Variants in TRDN observed in about 807,000 individuals in gnomAD.
TRDN encodes the protein triadin in skeletal muscle.
TRDN carries 161 observed loss-of-function variants against 149.7 expected under a neutral mutation model. That is an observed-to-expected ratio of 1.08 (90% CI 0.95 to 1.23). The LOEUF is 1.23. TRDN is among the 50% of genes most tolerant of loss of function. The pLI is 0.00. For missense variants in TRDN, 896 were observed against 823.5 expected, an observed-to-expected ratio of 1.09 and a Z score of -1.08; for synonymous variants, 294 against 250.5, an observed-to-expected ratio of 1.17 and a Z score of -1.64.
chr6:123,563,658 G>T (rs75063604), intron 2 of TRDN, among the ~76,000 whole-genome samples: 5 of 152,300 alleles, frequency 3.3e-5, no homozygotes, highest in African/African-American at 9.6e-5. Context: ...CCAGTTGGAT[G>T]ATTTACTTGG....
chr6:123,554,048 G>A (rs770116727), intron 2 of TRDN, among the ~76,000 whole-genome samples: 9 of 152,174 alleles, frequency 5.9e-5, no homozygotes, highest in South Asian at 2.1e-4. Context: ...TAGTCACCAC[G>A]CCCTCATAGC....
At chr6:123,238,228 A>G (rs1381701644) in intron 38 of TRDN, among the ~76,000 whole-genome samples, 1 of 152,190 alleles carries the variant, frequency 6.6e-6, no homozygotes, top group African/African-American at 2.4e-5. Context: ...TGGCAAACAT[A>G]TAAGTACAGA....
intron 2 of TRDN, among the ~76,000 whole-genome samples, chr6:123,570,540 T>C (rs1782516846): frequency 6.6e-6 from 1 of 152,118 alleles, no homozygotes; most frequent in Non-Finnish European, 1.5e-5. Context: ...CCAAAAGTGT[T>C]TTGATTGGTT....
intron 38 of TRDN, among the ~76,000 whole-genome samples, chr6:123,230,074 G>T (rs1775540196): frequency 6.6e-6 from 1 of 151,768 alleles, no homozygotes; most frequent in African/African-American, 2.4e-5. Context: ...CTGCTATAAA[G>T]ACACATGCAC....
intron 9 of TRDN, among the ~76,000 whole-genome samples, chr6:123,485,797 C>T (rs915135294): frequency 6.6e-6 from 1 of 152,062 alleles, no homozygotes; most frequent in African/African-American, 2.4e-5. Flanking sequence ...GTAACTTGCC[C>T]ATGTTCATTT....
At chr6:123,524,986 C>T (rs1270578927) in intron 5 of TRDN, among the ~76,000 whole-genome samples, 1 of 151,972 alleles carries the variant, frequency 6.6e-6, no homozygotes. Flanking sequence ...CAGAGAAATG[C>T]AACTCACAAC....
intron 25 of TRDN, 123 bp downstream of exon 25, chr6:123,278,933 C>A: frequency 1.1e-6 from 1 of 886,952 alleles, no homozygotes; most frequent in South Asian, 2.3e-5. Context: ...CAAAACAAGC[C>A]TTTGACTTTA....
chr6:123,411,045 CTTTCT>C (rs1326606868), intron 12 of TRDN, among the ~76,000 whole-genome samples: 5 of 88,406 alleles, frequency 5.7e-5, no homozygotes, highest in African/African-American at 1.0e-4. Flanking sequence ...GAATAACTTT[CTTTCT>C]TTTTTTTTTT....
chr6:123,326,897 A>G (rs938271717), intron 23 of TRDN, among the ~76,000 whole-genome samples: 1 of 152,044 alleles, frequency 6.6e-6, no homozygotes, highest in Non-Finnish European at 1.5e-5. Flanking sequence ...TTCTTTGTTC[A>G]TTATATGCAT....
chr6:123,626,637 G>A (rs1290602860), intron 1 of TRDN, among the ~76,000 whole-genome samples: 1 of 151,992 alleles, frequency 6.6e-6, no homozygotes, highest in Non-Finnish European at 1.5e-5. Context: ...TCATCATGAG[G>A]GTTGGAATCA....
intron 40 of TRDN, among the ~76,000 whole-genome samples, chr6:123,220,551 A>T (rs1467778247): frequency 6.6e-6 from 1 of 151,758 alleles, no homozygotes; most frequent in Non-Finnish European, 1.5e-5. Context: ...ATTTCTCACA[A>T]CCTTATTATA....
chr6:123,318,282 G>A (rs375613182), intron 23 of TRDN, among the ~76,000 whole-genome samples: 5 of 152,068 alleles, frequency 3.3e-5, no homozygotes, highest in Admixed American at 1.3e-4. Context: ...TTCTAGTGAT[G>A]AGAATTATTT....
intron 1 of TRDN, among the ~76,000 whole-genome samples, chr6:123,585,109 A>T (rs912713150): frequency 6.7e-6 from 1 of 150,132 alleles, no homozygotes; most frequent in African/African-American, 2.5e-5. Flanking sequence ...GTTGCCAAGG[A>T]GGGAGTAGAG....
chr6:123,444,283 T>C lies in TRDN; in HGVS notation c.932-5280A>G, dbSNP rs1459836638. Among the ~76,000 whole-genome samples the C allele has an allele frequency of 2.3e-5, 3 of 127,866 alleles. No individual in the cohort carries two copies. In the East Asian group the frequency reaches 6.4e-4, roughly 27 times the overall value. 83.9% of individuals were successfully genotyped at this position (127,866 alleles called of 152,430 possible). A position where few individuals can be genotyped will look rare whatever the true frequency, so the allele number is the denominator to read the frequency against. ...AGGTATTTTATTCTCTTTGAAGCAA[T>C]TGTGAATGGGAGTTCACTCATGATT... is the stretch of plus-strand genomic sequence containing the variant. On this transcript the variant is annotated intron_variant, in intron 10 of 40. Transcript: ENST00000334268.
At chr6:123,229,086 G>T (rs1775497013) in intron 38 of TRDN, among the ~76,000 whole-genome samples, 1 of 151,834 alleles carries the variant, frequency 6.6e-6, no homozygotes, top group African/African-American at 2.4e-5. Flanking sequence ...TCAAATTCTA[G>T]AGTTCATTCT....
intron 9 of TRDN, among the ~76,000 whole-genome samples, chr6:123,473,309 G>T (rs1283871629): frequency 6.6e-6 from 1 of 152,108 alleles, no homozygotes; most frequent in Non-Finnish European, 1.5e-5. Context: ...AGAAGCCTCA[G>T]GAGCCGATGC....
chr6:123,314,957 G>A (rs563740976), intron 24 of TRDN, among the ~76,000 whole-genome samples: 15 of 152,004 alleles, frequency 9.9e-5, no homozygotes, highest in South Asian at 4.1e-4. Flanking sequence ...ATCTTTGCCC[G>A]TGTAACAAAC....
intron 19 of TRDN, among the ~76,000 whole-genome samples, chr6:123,368,389 T>C (rs1781196309): frequency 6.6e-6 from 1 of 152,182 alleles, no homozygotes; most frequent in Non-Finnish European, 1.5e-5. Flanking sequence ...CTATGAATAT[T>C]ATTAAGAATC....
At chr6:123,533,560 A>G (rs1780358657) in intron 4 of TRDN, among the ~76,000 whole-genome samples, 4 of 152,064 alleles carry the variant, frequency 2.6e-5, no homozygotes, top group South Asian at 2.1e-4. Context: ...ACATCAGAAA[A>G]CAGATGAAAG....
Sources: allele counts gnomAD v4.1 joint callset (sites outside exome capture counted in the v4.1 genomes callset), GRCh38; gene constraint gnomAD v4.1.1; transcripts MANE v1.5; gene names NCBI Gene and HGNC (gene_info 2026-07-23, HGNC 2026-07-21).